Variants in GFOD1 observed in about 807,000 individuals in gnomAD.
GFOD1 encodes the protein glucose-fructose oxidoreductase domain-containing protein 1.
Under a neutral mutation model 25.4 loss-of-function variants are expected in GFOD1, and 9 were observed. The ratio of observed to expected loss-of-function variants is 0.35; its 90% CI spans 0.21 to 0.62. The LOEUF (loss-of-function observed/expected upper bound fraction) is 0.62. Among genes scored for constraint, GFOD1 ranks in the 20% least tolerant of loss-of-function variants. The pLI, the probability that GFOD1 is intolerant of heterozygous loss-of-function variation, is 0.72. For missense variants in GFOD1, 403 were observed against 556.9 expected (o/e 0.72, Z 2.78); for synonymous variants, 253 against 245.6 (o/e 1.03, Z -0.28).
rs184735035 is a variant in GFOD1, at chr6:13,394,208, C to T, written c.254-28546G>A. Among the ~76,000 whole-genome samples the T allele has an allele frequency of 4.1e-3, 624 of 152,126 alleles. 4 individuals carry two copies. The highest frequency in any genetic ancestry group is 0.014 in the Middle Eastern group (4 of 294). On this transcript the variant is annotated intron_variant, in intron 1 of 1. Coordinates refer to ENST00000379287, the MANE Select transcript of GFOD1 (RefSeq NM_018988.4). ...TTCATAATTTTATATAAAATTTGTA[C>T]TTCAGATGAAAAAATGAGAAAGTTC...
chr6:13,477,467 C>A (rs7745293), intron 1 of GFOD1, among the ~76,000 whole-genome samples: 3,946 of 151,994 alleles, frequency 0.026, 167 homozygotes, highest in African/African-American at 0.09. Context: ...TAAGACAATA[C>A]TTGAGCAGAA....
In GFOD1 at chr6:13,365,582, GGTA is replaced by G; in HGVS notation, c.331_333del (p.Tyr111del). 1 of 1,608,700 alleles carries G rather than the reference GGTA, an allele frequency of 6.2e-7. No individual in the cohort carries two copies. On this transcript the variant is annotated inframe_deletion, in exon 2 of 2. Transcript: ENST00000379287. This position sits in a 1 kb window ranked among gnomAD's most constrained non-coding sequence, Gnocchi z 9.2. ...TTGCCCATGATGCTCATGAGCTTGG[GGTA>G]GTAGTGGGCGGCCGAGGTCATGCGG...
At chr6:13,407,363 C>A (rs945046933) in intron 1 of GFOD1, among the ~76,000 whole-genome samples, 1 of 152,204 alleles carries the variant, frequency 6.6e-6, no homozygotes, top group Admixed American at 6.5e-5. Flanking sequence ...CTCAGCTCTT[C>A]CTACTTTTCT....
chr6:13,387,682 G>T (rs912456932), intron 1 of GFOD1, among the ~76,000 whole-genome samples: 6 of 152,170 alleles, frequency 3.9e-5, no homozygotes, highest in African/African-American at 1.4e-4. Flanking sequence ...GCACCAACTG[G>T]AAGCATTCCC....
chr6:13,454,725 A>C (rs1028849304), intron 1 of GFOD1, among the ~76,000 whole-genome samples: 1 of 152,146 alleles, frequency 6.6e-6, no homozygotes, highest in Non-Finnish European at 1.5e-5. Flanking sequence ...CAACCCACTG[A>C]TGATATTCTC....
intron 1 of GFOD1, among the ~76,000 whole-genome samples, chr6:13,428,241 G>T (rs763960920): frequency 4.6e-5 from 7 of 152,154 alleles, no homozygotes; most frequent in Non-Finnish European, 7.3e-5. Context: ...TCTTTAGAAG[G>T]CCAGTTCCTT....
At chr6:13,486,238 ACCCCCCCATCCCCC>A in intron 1 of GFOD1, 1 of 276,956 alleles carries the variant, frequency 3.6e-6, no homozygotes, top group Non-Finnish European at 4.3e-6. Context: ...ACCCTCCTCC[ACCCCCCCATCCCCC>A]CCCCCCACAC....
chr6:13,366,819 A>T (rs1188737257), intron 1 of GFOD1, among the ~76,000 whole-genome samples: 1 of 152,056 alleles, frequency 6.6e-6, no homozygotes, highest in Non-Finnish European at 1.5e-5. Context: ...TTTAATGTTA[A>T]ATGTCTGGTA....
At chr6:13,480,304 C>T (rs2127579499) in intron 1 of GFOD1, among the ~76,000 whole-genome samples, 1 of 152,306 alleles carries the variant, frequency 6.6e-6, no homozygotes, top group African/African-American at 2.4e-5. Context: ...GTCTCAAAAA[C>T]AGAGATCATG....
At chr6:13,422,374 C>T (rs1584642415) in intron 1 of GFOD1, among the ~76,000 whole-genome samples, 1 of 152,170 alleles carries the variant, frequency 6.6e-6, no homozygotes, top group Non-Finnish European at 1.5e-5. Context: ...CTTGAGACCC[C>T]ATCCACCCCG....
intron 1 of GFOD1, among the ~76,000 whole-genome samples, chr6:13,442,088 G>A (rs148448482): frequency 1.6e-3 from 251 of 152,316 alleles, no homozygotes; most frequent in African/African-American, 5.8e-3. Flanking sequence ...AGGCAGACAC[G>A]GAGAGAGCAT....
chr6:13,403,415 C>T (rs1210488627), intron 1 of GFOD1, among the ~76,000 whole-genome samples: 3 of 152,128 alleles, frequency 2.0e-5, no homozygotes, highest in East Asian at 3.9e-4. Context: ...CGTGAGCCAC[C>T]GTGCCCAGCC....
intron 1 of GFOD1, among the ~76,000 whole-genome samples, chr6:13,411,740 C>T (rs1040732642): frequency 6.6e-5 from 10 of 152,170 alleles, no homozygotes; most frequent in Admixed American, 3.9e-4. Context: ...CAGTCAGAGG[C>T]GGGAAGGAGC....
chr6:13,372,606 T>A (rs1489950162), intron 1 of GFOD1, among the ~76,000 whole-genome samples: 1 of 152,118 alleles, frequency 6.6e-6, no homozygotes, highest in Non-Finnish European at 1.5e-5. Flanking sequence ...CATTCACACC[T>A]CTAGGGAAAG....
At chr6:13,398,154 G>T (rs1785772509) in intron 1 of GFOD1, among the ~76,000 whole-genome samples, 1 of 152,194 alleles carries the variant, frequency 6.6e-6, no homozygotes, top group Admixed American at 6.5e-5. Flanking sequence ...ACTGCTCTGA[G>T]CCTCGGCTTC....
At chr6:13,404,399 T>A (rs560776357) in intron 1 of GFOD1, among the ~76,000 whole-genome samples, 1 of 152,282 alleles carries the variant, frequency 6.6e-6, no homozygotes. Flanking sequence ...CTTTTAAGGA[T>A]CAAATGAGAC....
At chr6:13,390,688 C>A (rs1292878210) in intron 1 of GFOD1, among the ~76,000 whole-genome samples, 1 of 143,630 alleles carries the variant, frequency 7.0e-6, no homozygotes, top group Non-Finnish European at 1.5e-5. Flanking sequence ...GCTAGCACCA[C>A]TATACTCCAG....
intron 1 of GFOD1, among the ~76,000 whole-genome samples, chr6:13,481,322 C>T (rs1389119236): frequency 1.3e-5 from 2 of 152,158 alleles, no homozygotes; most frequent in Admixed American, 6.5e-5. Flanking sequence ...AGGCAAGAAC[C>T]TTCTGGGCAA....
intron 1 of GFOD1, among the ~76,000 whole-genome samples, chr6:13,475,387 A>T (rs1758596152): frequency 6.6e-6 from 1 of 151,916 alleles, no homozygotes; most frequent in African/African-American, 2.4e-5. Flanking sequence ...CAGCCTGACC[A>T]ACATGGTGAA....
Sources: allele counts gnomAD v4.1 joint callset (sites outside exome capture counted in the v4.1 genomes callset), GRCh38; gene constraint gnomAD v4.1.1; non-coding constraint Gnocchi (gnomAD v3.1); transcripts MANE v1.5; gene names NCBI Gene and HGNC (gene_info 2026-07-23, HGNC 2026-07-21).